ZNF446: variants seen among roughly 807,000 people sequenced by gnomAD.
ZNF446 encodes the protein zinc finger protein with KRAB and SCAN domains 20.
ZNF446 carries 42 observed loss-of-function variants against 34.0 expected under a neutral mutation model. The ratio of observed to expected loss-of-function variants is 1.23; its 90% CI spans 0.96 to 1.60. The LOEUF (loss-of-function observed/expected upper bound fraction) is 1.60, where lower values mean the gene tolerates loss of function less well. Among genes scored for constraint, ZNF446 ranks in the 40% most tolerant of loss-of-function variants. ZNF446 has a pLI of 0.00. For synonymous variants in ZNF446, 315 were observed against 251.0 expected, an observed-to-expected ratio of 1.25 and a Z score of -2.41; for missense variants, 650 against 600.2, an observed-to-expected ratio of 1.08 and a Z score of -0.87.
At chr19:58,476,901 C>T (rs1053828686) in intron 1 of ZNF446, among the ~76,000 whole-genome samples, 3 of 152,156 alleles carry the variant, frequency 2.0e-5, no homozygotes, top group African/African-American at 7.2e-5. Flanking sequence ...GCGTCATCTC[C>T]CAGCAGTCCC....
rs1187016188 is a variant in ZNF446 at position 58,480,455 on chromosome 19, A to T, written c.1082A>T (p.Gln361Leu). The T allele has an allele frequency of 3.1e-6, 5 of 1,612,302 alleles. No homozygotes were observed. The highest frequency in any genetic ancestry group is 4.2e-6 in the Non-Finnish European group (5 of 1,179,904). Reference sequence around the variant, plus strand: ...ACACACACGAGTGGGCCAGGTGTGCAGTCCCCGGGGCTAGCCACCGGGGAA... The same window carrying T: ...ACACACACGAGTGGGCCAGGTGTGCTGTCCCCGGGGCTAGCCACCGGGGAA... ...HRTHTSGPGV[Q>L]SPGLATGEST... Residue 361 changes from glutamine to leucine, a missense_variant, in exon 7 of 7, where the codon CAG (glutamine) becomes CTG (leucine). Coordinates refer to ENST00000594369, the MANE Select transcript of ZNF446 (RefSeq NM_017908.4). The surrounding 1 kb of genome is among the most constrained non-coding windows in gnomAD (Gnocchi z 7.2).
chr19:58,483,758 G>A (rs1397942439), downstream of ZNF446: 1 of 152,182 alleles, frequency 6.6e-6, no homozygotes, highest in Non-Finnish European at 1.5e-5. Context: ...CCACCATATG[G>A]AATGCTTCAC....
At chr19:58,478,211 C>G (rs779098105) in intron 4 of ZNF446, 30 bp downstream of exon 4, 103 of 1,602,786 alleles carry the variant, frequency 6.4e-5, no homozygotes, top group Non-Finnish European at 8.7e-5. Context: ...AAGTATAGGC[C>G]CCAGGTGTGA....
chr19:58,477,862 TGGA>T, intron 3 of ZNF446, 36 bp downstream of exon 3: 1 of 1,491,342 alleles, frequency 6.7e-7, no homozygotes, highest in South Asian at 1.4e-5. Flanking sequence ...GAGGGACTCC[TGGA>T]GGAAGTGTGG....
chr19:58,477,964 G>A (rs1203436486), intron 3 of ZNF446, 123 bp from the exon 4 acceptor site: 6 of 1,313,420 alleles, frequency 4.6e-6, no homozygotes, highest in Non-Finnish European at 6.2e-6. Flanking sequence ...CTGGGATGGG[G>A]ACCTGGGAGG....
At chr19:58,478,757 A>C (rs963711361) in intron 4 of ZNF446, among the ~76,000 whole-genome samples, 2 of 151,920 alleles carry the variant, frequency 1.3e-5, no homozygotes, top group Non-Finnish European at 2.9e-5. Context: ...CCTCACCTCC[A>C]GAGAAGTCAG....
downstream of ZNF446, chr19:58,483,485 C>T (rs1022406488): frequency 1.3e-5 from 2 of 152,122 alleles, no homozygotes; most frequent in Admixed American, 1.3e-4. Context: ...GAGACCCTGT[C>T]TCAAAAATAA....
At chr19:58,477,063 T>G (rs1380306801) in intron 1 of ZNF446, 116 bp from the exon 2 acceptor site, 9 of 639,896 alleles carry the variant, frequency 1.4e-5, no homozygotes, top group Middle Eastern at 4.5e-4. Flanking sequence ...TGGCCTTATC[T>G]CTTCTGGCCT....
chr19:58,487,818 A>G, the ZNF446 span, among the ~76,000 whole-genome samples: 1 of 152,250 alleles, frequency 6.6e-6, no homozygotes, highest in Non-Finnish European at 1.5e-5. Flanking sequence ...CAAAAAACAA[A>G]TTAACTACAA....
In ZNF446 at chr19:58,480,070, A is replaced by C. The variant is rs1389047019; in HGVS notation, c.802+51A>C. The C allele has an allele frequency of 6.4e-7, 1 of 1,555,684 alleles. No individual in the cohort carries two copies. The highest frequency in any genetic ancestry group is 8.7e-7 in the Non-Finnish European group (1 of 1,155,684). ...GAATCACCCCTCCTGTATCGGTGGG[A>C]CCTGAGCCACCCACTCATGGGGGGA... On this transcript the variant is annotated intron_variant, in intron 6 of 6. Coordinates refer to ENST00000594369, the MANE Select transcript of ZNF446 (RefSeq NM_017908.4). The surrounding 1 kb of genome is among the most constrained non-coding windows in gnomAD (Gnocchi z 7.2).
Position 58,481,013 on chromosome 19 carries a change from C to T in ZNF446, c.*287C>T, listed in dbSNP as rs1158410719. 2 of 458,894 alleles carry T rather than the reference C, an allele frequency of 4.4e-6. No homozygotes were observed. The highest frequency in any genetic ancestry group is 3.9e-5 in the African/African-American group (2 of 51,412). 28.4% of individuals were successfully genotyped at this position (458,894 alleles called of 1,614,324 possible). On this transcript the variant is annotated 3_prime_UTR_variant, in exon 7 of 7. Transcript: ENST00000594369. ...TGCCAAGCACCAGGCTCCCTCCCTC[C>T]CTGTGACATGGCCTGGGCTGACAAC...
the ZNF446 span, among the ~76,000 whole-genome samples, chr19:58,488,550 G>C: frequency 9.1e-6 from 1 of 109,410 alleles, no homozygotes; most frequent in African/African-American, 4.1e-5. Flanking sequence ...ACATGACTAT[G>C]ATAAAAAAAA....
At position 58,477,505 on chromosome 19, in the gene ZNF446, A is replaced by G. The variant is rs1441332378; in HGVS notation, c.287A>G (p.Glu96Gly). Residue 96 changes from glutamate (E) to glycine (G), a missense_variant, in exon 2 of 7, where the codon GAG (glutamate) becomes GGG (glycine). Transcript: ENST00000594369. ...GGTCAGCGGCCAGGCAGTCCTGAGGAGGCCGCTGCCCTAGTCGAAGGACTG... is the reference window on the plus strand; with the variant it reads ...GGTCAGCGGCCAGGCAGTCCTGAGGGGGCCGCTGCCCTAGTCGAAGGACTG... ...VRGQRPGSPE[E>G]AAALVEGLQH... is the part of the protein sequence containing the mutation. The G allele has an allele frequency of 6.2e-7, 1 of 1,613,166 alleles. No homozygotes were observed. Among genetic ancestry groups the G allele is most frequent in the Non-Finnish European group, 8.5e-7 (1 of 1,179,752 alleles).
intron 3 of ZNF446, 96 bp from the exon 4 acceptor site, chr19:58,477,991 G>A: frequency 3.6e-6 from 5 of 1,372,516 alleles, no homozygotes; most frequent in African/African-American, 1.5e-5. Context: ...CCAAGGGCTG[G>A]CTACGTGCCA....
chr19:58,477,698 T>G lies in ZNF446; in HGVS notation c.404T>G (p.Leu135Arg), dbSNP rs146360906. The change falls in exon 3 of 7, where the codon CTT (leucine) becomes CGT (arginine). Residue 135 changes from leucine (L) to arginine (R), a missense_variant. Transcript: ENST00000594369. Reference sequence around the variant, plus strand: ...GCAGCCCAGAAGACAGAGGAACCACTTGGGAGCCCCCACCCCTCAGGGACA... The same window carrying G: ...GCAGCCCAGAAGACAGAGGAACCACGTGGGAGCCCCCACCCCTCAGGGACA... ...LPAAQKTEEP[L>R]GSPHPSGTVE... 1.0e-4 allele frequency: 165 copies of G among 1,613,834 alleles called. 1 individual carries two copies. The African/African-American group carries it at 2.0e-3, about 19-fold the overall frequency.
chr19:58,480,105 G>T lies in ZNF446; in HGVS notation c.803-71G>T, dbSNP rs1183339788. 6.4e-7 allele frequency: 1 copy of T among 1,562,210 alleles called. No individual in the cohort carries two copies. The highest frequency in any genetic ancestry group is 8.6e-7 in the Non-Finnish European group (1 of 1,160,728). On this transcript the variant is annotated intron_variant, in intron 6 of 6. Transcript: ENST00000594369. This position sits in a 1 kb window ranked among gnomAD's most constrained non-coding sequence, Gnocchi z 7.2. ...CCCACTCATGGGGGGACGGGAGCTT[G>T]TGCCACGGCCACAAGCCTGAGGGAG...
chr19:58,482,394 T>C (rs1158349083), downstream of ZNF446, among the ~76,000 whole-genome samples: 1 of 152,094 alleles, frequency 6.6e-6, no homozygotes, highest in Non-Finnish European at 1.5e-5. Flanking sequence ...CTTCTGGGGA[T>C]TGGAATGGGG....
At chr19:58,489,155 G>A in the ZNF446 span, among the ~76,000 whole-genome samples, 1 of 152,208 alleles carries the variant, frequency 6.6e-6, no homozygotes, top group Non-Finnish European at 1.5e-5. Context: ...CTTGCCTGGG[G>A]ACCAGATGGC....
intron 4 of ZNF446, among the ~76,000 whole-genome samples, chr19:58,479,203 A>C (rs778263879): frequency 5.9e-5 from 9 of 152,170 alleles, no homozygotes; most frequent in Non-Finnish European, 1.2e-4. Context: ...CCTCACCTCC[A>C]GCCAGCACCA....
Sources: gnomAD v4.1 joint callset for allele counts (sites outside exome capture counted in the v4.1 genomes callset) on GRCh38, gnomAD v4.1.1 for gene constraint, Gnocchi (gnomAD v3.1) non-coding constraint, MANE v1.5 for transcripts, NCBI Gene and HGNC (gene_info 2026-07-23, HGNC 2026-07-21) for gene names.